NRG1: variants seen among roughly 807,000 people sequenced by gnomAD.
NRG1 encodes the protein neuregulin 1, also known as pro-neuregulin-1, membrane-bound isoform.
Under a neutral mutation model 63.8 loss-of-function variants are expected in NRG1, and 18 were observed. The observed-to-expected ratio is 0.28, with a 90% CI of 0.19 to 0.42. The LOEUF is 0.42. NRG1 is among the 10% of genes least tolerant of loss of function. The pLI is 1.00. For missense variants in NRG1, 762 were observed against 814.7 expected (o/e 0.94, Z 0.79); for synonymous variants, 302 against 301.3 (o/e 1.00, Z -0.02).
intron 1 of NRG1, among the ~76,000 whole-genome samples, chr8:32,173,931 C>A (rs551888046): frequency 6.6e-6 from 1 of 152,090 alleles, no homozygotes; most frequent in Non-Finnish European, 1.5e-5. Context: ...GACTGATCAA[C>A]GAGACAGAAA....
intron 1 of NRG1, among the ~76,000 whole-genome samples, chr8:32,271,799 G>A (rs554183128): frequency 5.1e-4 from 78 of 152,248 alleles, no homozygotes; most frequent in African/African-American, 1.9e-3. Flanking sequence ...CATGCACCTA[G>A]GGTCGTGCAA....
chr8:32,102,315 T>C (rs1232599517), intron 1 of NRG1, among the ~76,000 whole-genome samples: 1 of 152,028 alleles, frequency 6.6e-6, no homozygotes, highest in Admixed American at 6.6e-5. Flanking sequence ...TTTTTGTATG[T>C]TTTGTAGAGT....
chr8:32,068,085 A>G (rs1378591253), intron 1 of NRG1, among the ~76,000 whole-genome samples: 1 of 152,172 alleles, frequency 6.6e-6, no homozygotes, highest in Non-Finnish European at 1.5e-5. Flanking sequence ...TAAGAATGGG[A>G]TGGCATGGTT....
chr8:32,242,823 C>G (rs1324540815), intron 1 of NRG1, among the ~76,000 whole-genome samples: 2 of 152,254 alleles, frequency 1.3e-5, no homozygotes, highest in Middle Eastern at 3.4e-3. Flanking sequence ...TATAAGGAAA[C>G]TAAAACTTAA....
chr8:32,313,007 G>A (rs1856993930), intron 1 of NRG1, among the ~76,000 whole-genome samples: 1 of 152,060 alleles, frequency 6.6e-6, no homozygotes, highest in Non-Finnish European at 1.5e-5. Context: ...TACAAAATTA[G>A]CCGCGTGTGG....
At chr8:32,330,533 C>T (rs1802522034) in intron 1 of NRG1, among the ~76,000 whole-genome samples, 1 of 152,194 alleles carries the variant, frequency 6.6e-6, no homozygotes, top group Non-Finnish European at 1.5e-5. Flanking sequence ...TCAGCAGATC[C>T]TACCAGCTCT....
intron 5 of NRG1, among the ~76,000 whole-genome samples, chr8:32,681,285 G>A (rs1808546137): frequency 3.3e-5 from 5 of 152,164 alleles, no homozygotes. Flanking sequence ...AAATCAAAAT[G>A]CATGACCTAG....
chr8:32,130,215 C>T (rs1800782687), intron 1 of NRG1, among the ~76,000 whole-genome samples: 1 of 151,846 alleles, frequency 6.6e-6, no homozygotes, highest in Admixed American at 6.6e-5. Context: ...TTCATGTACA[C>T]ATTAGGTCTT....
rs1828233199 is a variant in NRG1, at chr8:32,749,416, A to G, written c.692-4956A>G. ...GAGGCGTACCTGAGCACTGCTTCTT[A>G]ACCACACACCATTTGTCTGGTTCAA... is the stretch of plus-strand genomic sequence containing the variant. On this transcript the variant is annotated intron_variant, in intron 7 of 11. Coordinates refer to ENST00000356819, the Ensembl canonical transcript of NRG1. 3.5e-6 allele frequency: 3 copies of G among 847,230 alleles called. No individual in the cohort carries two copies. In the Admixed American group the frequency reaches 5.8e-5, roughly 16 times the overall value. The allele number at this position is 847,230 out of a possible 1,614,324, so 52.5% of individuals were successfully genotyped here.
At chr8:32,063,815 CTT>C (rs1824287121) in intron 1 of NRG1, among the ~76,000 whole-genome samples, 1 of 151,966 alleles carries the variant, frequency 6.6e-6, no homozygotes, top group Non-Finnish European at 1.5e-5. Context: ...TCATAATTAA[CTT>C]ATATAAAGTT....
chr8:32,075,782 A>G (rs1368507937), intron 1 of NRG1, among the ~76,000 whole-genome samples: 1 of 151,766 alleles, frequency 6.6e-6, no homozygotes, highest in Non-Finnish European at 1.5e-5. Context: ...AAGCAATTCT[A>G]CCTGCCTCAG....
chr8:32,212,421 G>A (rs944065396), intron 1 of NRG1, among the ~76,000 whole-genome samples: 2 of 152,076 alleles, frequency 1.3e-5, no homozygotes, highest in African/African-American at 4.8e-5. Flanking sequence ...TATTCAGTGT[G>A]ATAGTTATTG....
chr8:32,572,948 G>A (rs971807008), intron 1 of NRG1, among the ~76,000 whole-genome samples: 1 of 152,130 alleles, frequency 6.6e-6, no homozygotes, highest in East Asian at 1.9e-4. Context: ...TGACTTTGAG[G>A]TTAATTTCGC....
chr8:32,320,758 G>C (rs76860300), intron 1 of NRG1, among the ~76,000 whole-genome samples: 10,481 of 152,168 alleles, frequency 0.069, 459 homozygotes, highest in Middle Eastern at 0.13. Flanking sequence ...GAATATATAT[G>C]TGCAGAAATA....
intron 1 of NRG1, among the ~76,000 whole-genome samples, chr8:31,695,106 C>T (rs901129119): frequency 2.6e-5 from 4 of 152,172 alleles, no homozygotes; most frequent in Non-Finnish European, 5.9e-5. Context: ...GAAGAGGAAG[C>T]AAGCACCTTC....
intron 1 of NRG1, among the ~76,000 whole-genome samples, chr8:31,849,010 T>C (rs1269263771): frequency 6.6e-6 from 1 of 152,180 alleles, no homozygotes; most frequent in Admixed American, 6.5e-5. Flanking sequence ...AAGTTGGGGA[T>C]TGCAGCTTTA....
intron 1 of NRG1, among the ~76,000 whole-genome samples, chr8:32,489,351 C>A (rs755591372): frequency 6.6e-6 from 1 of 152,130 alleles, no homozygotes; most frequent in Non-Finnish European, 1.5e-5. Context: ...ACTCCTGGGA[C>A]CTTATCGGGA....
chr8:32,119,762 G>A (rs1484821095), intron 1 of NRG1, among the ~76,000 whole-genome samples: 1 of 151,936 alleles, frequency 6.6e-6, no homozygotes, highest in East Asian at 1.9e-4. Flanking sequence ...TGCTCACCCT[G>A]AATTCTAGAA....
intron 1 of NRG1, among the ~76,000 whole-genome samples, chr8:32,247,121 G>T (rs1397042835): frequency 2.0e-5 from 3 of 151,422 alleles, no homozygotes; most frequent in African/African-American, 7.3e-5. Context: ...TTAAAAAAAA[G>T]GAAAGCACTG....
Sources: allele counts gnomAD v4.1 joint callset (sites outside exome capture counted in the v4.1 genomes callset), GRCh38; gene constraint gnomAD v4.1.1; transcripts MANE v1.5; gene names NCBI Gene and HGNC (gene_info 2026-07-23, HGNC 2026-07-21).